Variants in RBFOX1 observed in about 807,000 individuals in gnomAD.
The protein encoded by RBFOX1 is RNA binding fox-1 homolog 1.
RBFOX1 carries 8 observed loss-of-function variants against 57.7 expected under a neutral mutation model. That is an observed-to-expected ratio of 0.14 (90% CI 0.08 to 0.25). The LOEUF is 0.25. RBFOX1 is among the 10% of genes least tolerant of loss of function. RBFOX1 has a pLI of 1.00. For synonymous variants in RBFOX1, 326 were observed against 222.4 expected, an observed-to-expected ratio of 1.47 and a Z score of -4.15; for missense variants, 611 against 548.5, an observed-to-expected ratio of 1.11 and a Z score of -1.14.
In RBFOX1 at chr16:7,499,291, G is replaced by T. The variant is rs2069812248; in HGVS notation, c.28-18856G>T. ...AGCATCACCCATTCATCTTCAGATG[G>T]TATGCATATCTGTGTCCACACTTTC... On this transcript the variant is annotated intron_variant, in intron 4 of 15. Coordinates refer to ENST00000550418, the MANE Select transcript of RBFOX1 (RefSeq NM_018723.4). Among the ~76,000 whole-genome samples the T allele has an allele frequency of 2.6e-5, 4 of 152,194 alleles. No individual in the cohort carries two copies. In the South Asian group the frequency reaches 8.3e-4, roughly 32 times the overall value.
intron 3 of RBFOX1, among the ~76,000 whole-genome samples, chr16:6,994,787 G>A (rs11077123): frequency 0.44 from 66,375 of 151,990 alleles, 17,842 homozygotes; most frequent in Non-Finnish European, 0.6. Flanking sequence ...ATATGTTACC[G>A]ACCAAATTGC....
At chr16:6,454,878 T>TGA (rs796297441) in intron 2 of RBFOX1, among the ~76,000 whole-genome samples, 1 of 122,418 alleles carries the variant, frequency 8.2e-6, no homozygotes, top group Non-Finnish European at 1.7e-5. Flanking sequence ...TTTTTTTTTT[T>TGA]TTTTTTTTTT....
At chr16:7,418,940 T>C (rs1472554583) in intron 4 of RBFOX1, among the ~76,000 whole-genome samples, 2 of 152,160 alleles carry the variant, frequency 1.3e-5, no homozygotes, top group Non-Finnish European at 2.9e-5. Flanking sequence ...GGTCTCAGTC[T>C]GTCACCCAGG....
rs537647622 is a variant in RBFOX1, at chr16:7,066,550, T to A, written c.27+14452T>A. Among the ~76,000 whole-genome samples, 4 of 151,192 alleles carry A rather than the reference T, an allele frequency of 2.6e-5. No homozygotes were observed. In the East Asian group the frequency reaches 8.1e-4, roughly 31 times the overall value. Reference sequence around the variant, plus strand: ...GCTGAGTATTTTATGTGCAAAGTTTTAGGTGCTACCAGTTAAATTATTTAA... The same window carrying A: ...GCTGAGTATTTTATGTGCAAAGTTTAAGGTGCTACCAGTTAAATTATTTAA... On this transcript the variant is annotated intron_variant, in intron 4 of 15. Transcript: ENST00000550418.
chr16:6,688,373 C>T (rs546591235), intron 3 of RBFOX1, among the ~76,000 whole-genome samples: 1 of 152,270 alleles, frequency 6.6e-6, no homozygotes, highest in South Asian at 2.1e-4. Flanking sequence ...TCAGGCCCCA[C>T]CTTCAACAGT....
chr16:6,064,362 T>C (rs1040979044), intron 1 of RBFOX1, among the ~76,000 whole-genome samples: 1 of 152,120 alleles, frequency 6.6e-6, no homozygotes, highest in Non-Finnish European at 1.5e-5. Context: ...TGTCTGCTTG[T>C]AGTTTTCTAT....
chr16:5,372,223 C>A (rs1382642480), intron 1 of RBFOX1, among the ~76,000 whole-genome samples: 1 of 152,152 alleles, frequency 6.6e-6, no homozygotes, highest in East Asian at 1.9e-4. Context: ...GTTGTTCTGT[C>A]TCGGAAGGGT....
intron 4 of RBFOX1, among the ~76,000 whole-genome samples, chr16:6,008,517 C>T (rs1418905267): frequency 6.6e-6 from 1 of 152,100 alleles, no homozygotes; most frequent in East Asian, 1.9e-4. Flanking sequence ...TTTCTAAAAG[C>T]TTGCTGGTTA....
At chr16:7,122,759 A>G (rs1252869101) in intron 4 of RBFOX1, among the ~76,000 whole-genome samples, 1 of 152,194 alleles carries the variant, frequency 6.6e-6, no homozygotes, top group Non-Finnish European at 1.5e-5. Context: ...AAAAACATGT[A>G]CATGTCTGTG....
chr16:5,905,453 T>G (rs1353118924), intron 4 of RBFOX1, among the ~76,000 whole-genome samples: 1 of 152,128 alleles, frequency 6.6e-6, no homozygotes, highest in South Asian at 2.1e-4. Flanking sequence ...GGCTCTTGCC[T>G]GTAATCCCAG....
chr16:7,214,052 C>T (rs2091613461), intron 4 of RBFOX1, among the ~76,000 whole-genome samples: 1 of 151,080 alleles, frequency 6.6e-6, no homozygotes. Flanking sequence ...CTGGTCCTTT[C>T]TGGAAGCTTC....
At chr16:6,206,710 C>G (rs372213969) in intron 1 of RBFOX1, among the ~76,000 whole-genome samples, 1 of 152,188 alleles carries the variant, frequency 6.6e-6, no homozygotes, top group Non-Finnish European at 1.5e-5. Context: ...CATCACCCAG[C>G]TTCCCCTGTT....
At chr16:7,497,974 G>C (rs1398292619) in intron 4 of RBFOX1, among the ~76,000 whole-genome samples, 2 of 152,156 alleles carry the variant, frequency 1.3e-5, no homozygotes, top group East Asian at 3.8e-4. Context: ...GTAAAAACAA[G>C]CTTTTAAAAG....
At chr16:6,216,430 T>G (rs2097336253) in intron 1 of RBFOX1, among the ~76,000 whole-genome samples, 1 of 152,194 alleles carries the variant, frequency 6.6e-6, no homozygotes. Flanking sequence ...TTAATAGTTT[T>G]GCCTTTTGCC....
chr16:6,721,985 A>G (rs989294839), intron 3 of RBFOX1: 8 of 153,022 alleles, frequency 5.2e-5, no homozygotes, highest in Admixed American at 4.6e-4. Context: ...GTTCATCTGT[A>G]TTACAGCATG....
intron 3 of RBFOX1, among the ~76,000 whole-genome samples, chr16:5,702,262 G>A (rs2051077625): frequency 6.6e-6 from 1 of 152,180 alleles, no homozygotes; most frequent in Non-Finnish European, 1.5e-5. Context: ...TGGGAAGCAA[G>A]CCCCTTCTTC....
intron 2 of RBFOX1, among the ~76,000 whole-genome samples, chr16:6,320,193 C>T (rs1429401552): frequency 5.3e-5 from 8 of 152,132 alleles, no homozygotes; most frequent in Non-Finnish European, 8.8e-5. Context: ...AATGACTTAG[C>T]GTAACCCTAA....
At chr16:7,177,521 C>T (rs1371472317) in intron 4 of RBFOX1, among the ~76,000 whole-genome samples, 2 of 151,610 alleles carry the variant, frequency 1.3e-5, no homozygotes, top group African/African-American at 2.4e-5. Context: ...AGAAGTAGAT[C>T]AGGGATGCTT....
chr16:6,210,536 G>A lies in RBFOX1; in HGVS notation c.-126-106459G>A, dbSNP rs2097289427. Among the ~76,000 whole-genome samples the A allele has an allele frequency of 4.6e-5, 7 of 151,680 alleles. No homozygotes were observed. In the South Asian group the frequency reaches 1.5e-3, roughly 32 times the overall value. On this transcript the variant is annotated intron_variant, in intron 1 of 15. Transcript: ENST00000550418. Reference sequence around the variant, plus strand: ...CTTGAGCCCAGGAGTTTGAGACCAGGCTGGGTAATGTAGCGAGACCCTGTC... The same window carrying A: ...CTTGAGCCCAGGAGTTTGAGACCAGACTGGGTAATGTAGCGAGACCCTGTC...
Sources: allele counts gnomAD v4.1 joint callset (sites outside exome capture counted in the v4.1 genomes callset), GRCh38; gene constraint gnomAD v4.1.1; transcripts MANE v1.5; gene names NCBI Gene and HGNC (gene_info 2026-07-23, HGNC 2026-07-21).